Variants in FHAD1 observed in about 807,000 individuals in gnomAD.
FHAD1 encodes the protein forkhead associated phosphopeptide binding domain 1.
A neutral mutation model predicts 191.3 loss-of-function variants in FHAD1; 146 were observed. The observed-to-expected ratio is 0.76, with a 90% CI of 0.67 to 0.88. The LOEUF is 0.88. Ranked by LOEUF, FHAD1 falls within the 40% of genes least tolerant of loss-of-function variation. FHAD1 has a pLI of 0.00. For synonymous variants in FHAD1, 616 were observed against 672.3 expected (o/e 0.92, Z 1.29); for missense variants, 1,635 against 1,785.8 (o/e 0.92, Z 1.52).
chr1:15,336,934 G>T (rs1385843032), intron 14 of FHAD1, among the ~76,000 whole-genome samples: 1 of 152,164 alleles, frequency 6.6e-6, no homozygotes, highest in Non-Finnish European at 1.5e-5. Flanking sequence ...CCTAACGAGG[G>T]TGTTTTCTCC....
At chr1:15,380,011 C>T (rs12064704) in intron 28 of FHAD1, among the ~76,000 whole-genome samples, 1 of 152,162 alleles carries the variant, frequency 6.6e-6, no homozygotes, top group Non-Finnish European at 1.5e-5. Context: ...TGCATCATCT[C>T]TGGAAAGGGT....
chr1:15,357,409 G>C (rs1213828931), intron 20 of FHAD1, among the ~76,000 whole-genome samples: 1 of 152,088 alleles, frequency 6.6e-6, no homozygotes, highest in Non-Finnish European at 1.5e-5. Flanking sequence ...CGGATCACGA[G>C]GTCAAGAGAT....
Position 15,315,421 on chromosome 1 carries a change from T to C in FHAD1, c.1171-957T>C, listed in dbSNP as rs1674054234. 2.0e-5 allele frequency among the ~76,000 whole-genome samples: 3 copies of C among 152,116 alleles called. No individual in the cohort carries two copies. In the South Asian group the frequency reaches 6.2e-4, roughly 32 times the overall value. ...TTTCTCATGGGTCTTTAAAGCTCCA[T>C]GACATTCTCTTGTCTGTGCACAATG... On this transcript the variant is annotated intron_variant, in intron 8 of 33. Coordinates refer to ENST00000688493, the MANE Select transcript of FHAD1 (RefSeq NM_001391957.1).
chr1:15,330,590 A>C lies in FHAD1; in HGVS notation c.1906+1049A>C, dbSNP rs1343595706. Reference sequence around the variant, plus strand: ...ACAAACATGAAAGTTGAGTGGTGACAATTGCTATGAAGTGCAGGGTTCGAT... The same window carrying C: ...ACAAACATGAAAGTTGAGTGGTGACCATTGCTATGAAGTGCAGGGTTCGAT... On this transcript the variant is annotated intron_variant, in intron 14 of 33. Coordinates refer to ENST00000688493, the MANE Select transcript of FHAD1 (RefSeq NM_001391957.1). Among the ~76,000 whole-genome samples the C allele has an allele frequency of 2.0e-5, 3 of 152,226 alleles. No homozygotes were observed. The East Asian group carries it at 5.8e-4, about 29-fold the overall frequency.
At chr1:15,363,539 A>T (rs1286209747) in intron 23 of FHAD1, among the ~76,000 whole-genome samples, 1 of 152,190 alleles carries the variant, frequency 6.6e-6, no homozygotes, top group Middle Eastern at 3.2e-3. Flanking sequence ...AGTGCTTGGG[A>T]AATCTAGCTA....
rs1303956677 is a variant in FHAD1, at chr1:15,327,179, T to C, written c.1557+37T>C. 7 of 1,342,762 alleles carry C rather than the reference T, an allele frequency of 5.2e-6. No individual in the cohort carries two copies. Among genetic ancestry groups the C allele is most frequent in the Middle Eastern group, 1.8e-4 (1 of 5,600 alleles). 83.2% of individuals were successfully genotyped at this position (1,342,762 alleles called of 1,614,324 possible). A position where few individuals can be genotyped will look rare whatever the true frequency, so the allele number is the denominator to read the frequency against. On this transcript the variant is annotated intron_variant, in intron 12 of 33. Transcript: ENST00000688493. The surrounding 1 kb of genome is among the most constrained non-coding windows in gnomAD (Gnocchi z 5.1). ...GTCCCTGCCACGTGGCTCCTTCACT[T>C]TCCTCTTCTTCTTCTTCGTGGATCT...
At chr1:15,249,909 G>A (rs1297807311) in intron 1 of FHAD1, among the ~76,000 whole-genome samples, 1 of 152,262 alleles carries the variant, frequency 6.6e-6, no homozygotes, top group East Asian at 1.9e-4. Context: ...GAATGCTAGG[G>A]GACCTTAACC....
At chr1:15,302,636 A>G (rs139688747) in intron 6 of FHAD1, among the ~76,000 whole-genome samples, 1,716 of 152,026 alleles carry the variant, frequency 0.011, 39 homozygotes, top group African/African-American at 0.038. Flanking sequence ...GTAGAATGGC[A>G]TGAACCTGGG....
intron 8 of FHAD1, among the ~76,000 whole-genome samples, chr1:15,314,199 G>A (rs1250790195): frequency 1.3e-5 from 2 of 152,118 alleles, no homozygotes; most frequent in Admixed American, 6.5e-5. Flanking sequence ...GTGAGTCAAG[G>A]TAAAACCTAA....
At chr1:15,245,527 G>A (rs1420633157), upstream of FHAD1, among the ~76,000 whole-genome samples, 1 of 152,204 alleles carries the variant, frequency 6.6e-6, no homozygotes, top group Non-Finnish European at 1.5e-5. Flanking sequence ...CCAGGCAGAG[G>A]AATGGGCAAG....
At chr1:15,264,930 G>A (rs1200761230) in intron 2 of FHAD1, among the ~76,000 whole-genome samples, 1 of 151,900 alleles carries the variant, frequency 6.6e-6, no homozygotes, top group Non-Finnish European at 1.5e-5. Context: ...AGTCCAGATA[G>A]TCACGTGGTT....
In FHAD1 at chr1:15,289,591, C is replaced by T. The variant is rs200038906; in HGVS notation, c.493C>T (p.Arg165Trp). 3.4e-4 allele frequency: 527 copies of T among 1,551,652 alleles called. No homozygotes were observed. Among genetic ancestry groups the T allele is most frequent in the Non-Finnish European group, 4.3e-4 (497 of 1,147,016 alleles). Residue 165 changes from arginine (R) to tryptophan (W), a missense_variant, in exon 4 of 34, where the codon CGG becomes TGG. Transcript: ENST00000688493. This position sits in a 1 kb window ranked among gnomAD's most constrained non-coding sequence, Gnocchi z 4.2. The part of the protein sequence containing the change: ...PTVVLPASHR[R>W]PVSANKEMFS... ...CGTGGTCCTGCCGGCCTCCCACAGGCGGCCTGTGAGCGCCAACAAGGAGAT... is the reference window on the plus strand; with the variant it reads ...CGTGGTCCTGCCGGCCTCCCACAGGTGGCCTGTGAGCGCCAACAAGGAGAT...
chr1:15,372,196 C>T (rs961302977), intron 26 of FHAD1, among the ~76,000 whole-genome samples: 4 of 149,664 alleles, frequency 2.7e-5, no homozygotes, highest in Non-Finnish European at 5.9e-5. Flanking sequence ...TGGAGCAGAG[C>T]CAGAAGGAAG....
intron 8 of FHAD1, among the ~76,000 whole-genome samples, chr1:15,314,260 C>T (rs1368066356): frequency 6.6e-6 from 1 of 152,060 alleles, no homozygotes; most frequent in Non-Finnish European, 1.5e-5. Context: ...TGCATGGGCA[C>T]CCAGGCAGGG....
At chr1:15,306,802 A>G (rs1311379468) in intron 6 of FHAD1, among the ~76,000 whole-genome samples, 1 of 152,262 alleles carries the variant, frequency 6.6e-6, no homozygotes, top group Non-Finnish European at 1.5e-5. Flanking sequence ...CTGGATGCCC[A>G]TGCAGAAGTT....
intron 21 of FHAD1, among the ~76,000 whole-genome samples, chr1:15,360,245 T>TA (rs1694338474): frequency 1.3e-5 from 2 of 152,134 alleles, no homozygotes; most frequent in Non-Finnish European, 2.9e-5. Flanking sequence ...TCCTGATAGG[T>TA]AGTCAGGGAG....
intron 20 of FHAD1, among the ~76,000 whole-genome samples, chr1:15,353,779 G>A (rs1184724366): frequency 6.7e-6 from 1 of 148,884 alleles, no homozygotes; most frequent in Non-Finnish European, 1.5e-5. Context: ...CTGGATCTCT[G>A]ATCAGGCTGA....
At chr1:15,253,766 T>C (rs1647074132) in intron 2 of FHAD1, among the ~76,000 whole-genome samples, 2 of 152,208 alleles carry the variant, frequency 1.3e-5, no homozygotes, top group South Asian at 4.1e-4. Flanking sequence ...TTTTTACTTA[T>C]TTGATCTGTA....
intron 1 of FHAD1, among the ~76,000 whole-genome samples, chr1:15,250,981 C>A (rs550390141): frequency 1.2e-4 from 18 of 152,144 alleles, no homozygotes; most frequent in Non-Finnish European, 2.6e-4. Context: ...AGATACCTCA[C>A]GTATATTATT....
Sources: gnomAD v4.1 joint callset for allele counts (sites outside exome capture counted in the v4.1 genomes callset) on GRCh38, gnomAD v4.1.1 for gene constraint, Gnocchi (gnomAD v3.1) non-coding constraint, MANE v1.5 for transcripts, NCBI Gene and HGNC (gene_info 2026-07-23, HGNC 2026-07-21) for gene names.